The following WWP1 variants were observed in gnomAD, a reference collection of about 807,000 sequenced individuals.
WWP1 encodes the protein WW domain containing E3 ubiquitin protein ligase 1, also known as NEDD4-like E3 ubiquitin-protein ligase WWP1.
A neutral mutation model predicts 130.6 loss-of-function variants in WWP1; 49 were observed. The ratio of observed to expected loss-of-function variants is 0.38; its 90% CI spans 0.30 to 0.48. The LOEUF (loss-of-function observed/expected upper bound fraction) is 0.48. Among genes scored for constraint, WWP1 ranks in the 20% least tolerant of loss-of-function variants. WWP1 has a pLI of 0.99. For missense variants in WWP1, 809 were observed against 1,100.6 expected (o/e 0.74, Z 3.75); for synonymous variants, 332 against 367.8 (o/e 0.90, Z 1.11).
rs59506795 is a variant in WWP1, at chr8:86,460,790, C to CTTTTTTTTTTT, written c.2500-407_2500-397dup. ...ACCCTACAACCTCTTTTTAGCACAT[C>CTTTTTTTTTTT]TTTTTTTTTTTTTTTTTTTTTTTTT... is the stretch of plus-strand genomic sequence containing the variant. On this transcript the variant is annotated intron_variant, in intron 22 of 24. Transcript: ENST00000517970. Among the ~76,000 whole-genome samples the CTTTTTTTTTTT allele has an allele frequency of 2.7e-4, 17 of 62,400 alleles. 4 individuals are homozygous for CTTTTTTTTTTT. Among genetic ancestry groups the CTTTTTTTTTTT allele is most frequent in the Non-Finnish European group, 5.5e-4 (17 of 31,006 alleles). 40.9% of individuals were successfully genotyped at this position (62,400 alleles called of 152,430 possible).
intron 9 of WWP1, among the ~76,000 whole-genome samples, chr8:86,422,003 C>T: frequency 6.6e-6 from 1 of 152,040 alleles, no homozygotes; most frequent in East Asian, 1.9e-4. Context: ...TATCAAAACT[C>T]ACCATTCCAA....
intron 7 of WWP1, among the ~76,000 whole-genome samples, chr8:86,398,853 A>G (rs576256023): frequency 6.6e-6 from 1 of 152,308 alleles, no homozygotes; most frequent in South Asian, 2.1e-4. Context: ...ACTTTTTAAA[A>G]GTATACATTT....
chr8:86,463,282 C>T (rs1181667398), intron 24 of WWP1, among the ~76,000 whole-genome samples: 2 of 151,992 alleles, frequency 1.3e-5, no homozygotes, highest in East Asian at 1.9e-4. Context: ...AGACTTTCCT[C>T]GATGAGATTA....
intron 9 of WWP1, among the ~76,000 whole-genome samples, chr8:86,424,770 G>T (rs952041835): frequency 1.4e-5 from 2 of 146,938 alleles, no homozygotes; most frequent in Non-Finnish European, 3.0e-5. Flanking sequence ...GTCCAGCTTC[G>T]GCTTGGCATC....
Position 86,430,698 on chromosome 8 carries a change from C to T in WWP1, c.1334C>T (p.Ala445Val). Residue 445 changes from alanine to valine, a missense_variant and splice_region_variant, in exon 12 of 25, where the codon GCT becomes GTT. Coordinates refer to ENST00000517970, the MANE Select transcript of WWP1 (RefSeq NM_007013.4). ...CTCCCTAATCTTTTCTCCAATCAGG[C>T]TTCAATGTTAGCTGCAGAAAATGAC... The part of the protein sequence containing the change: ...QQFNQRYLYS[A>V]SMLAAENDPY... 6.3e-7 allele frequency: 1 copy of T among 1,583,102 alleles called. No homozygotes were observed. Among genetic ancestry groups the T allele is most frequent in the Non-Finnish European group, 8.6e-7 (1 of 1,163,080 alleles).
Position 86,438,758 on chromosome 8 carries a change from T to A in WWP1, c.1838+85T>A, listed in dbSNP as rs79446939. 3,396 of 1,145,254 alleles carry A rather than the reference T, an allele frequency of 3.0e-3. 78 individuals are homozygous for A. The African/African-American group carries it at 0.048, about 16-fold the overall frequency. The allele number at this position is 1,145,254 out of a possible 1,614,324, so 70.9% of individuals were successfully genotyped here. A position where few individuals can be genotyped will look rare whatever the true frequency, so the allele number is the denominator to read the frequency against. On this transcript the variant is annotated intron_variant, in intron 17 of 24. Transcript: ENST00000517970. ...GTATTCTTCAAAACATATGTGAATA[T>A]ATTGTATTAAATTTTTGAATTAACA...
chr8:86,431,813 T>C (rs1809994669), intron 14 of WWP1, 70 bp downstream of exon 14: 2 of 1,581,852 alleles, frequency 1.3e-6, no homozygotes, highest in Non-Finnish European at 1.7e-6. Flanking sequence ...CTCTAATTTA[T>C]CCTCAAGTTT....
At chr8:86,364,205 T>C (rs1823829376) in intron 1 of WWP1, among the ~76,000 whole-genome samples, 1 of 152,218 alleles carries the variant, frequency 6.6e-6, no homozygotes, top group African/African-American at 2.4e-5. Flanking sequence ...TTTCTGTAAA[T>C]AAAGTGAATT....
Position 86,401,937 on chromosome 8 carries a change from A to G in WWP1, c.540-82A>G, listed in dbSNP as rs977459698. ...AATAACAAAAAAGAAACTTAAGAGA[A>G]TTTAGTAAATCCTATGAAAATTCTC... On this transcript the variant is annotated intron_variant, in intron 7 of 24. Coordinates refer to ENST00000517970, the MANE Select transcript of WWP1 (RefSeq NM_007013.4). 1.2e-5 allele frequency: 16 copies of G among 1,291,936 alleles called. No individual in the cohort carries two copies. The African/African-American group carries it at 2.0e-4, about 16-fold the overall frequency. 80.0% of individuals were successfully genotyped at this position (1,291,936 alleles called of 1,614,324 possible). A position where few individuals can be genotyped will look rare whatever the true frequency, so the allele number is the denominator to read the frequency against.
At position 86,427,766 on chromosome 8, in the gene WWP1, G is replaced by A; in HGVS notation, c.1281G>A (p.Arg427=). Residue 427 remains arginine, a synonymous_variant, in exon 11 of 25, where the codon CGG becomes CGA. Coordinates refer to ENST00000517970, the MANE Select transcript of WWP1 (RefSeq NM_007013.4). ...VRNFEQWQSQ[R]NQLQGAMQQF... The stretch of plus-strand genomic sequence containing the variant: ...ATTTTGAACAGTGGCAATCTCAGCG[G>A]AACCAATTGCAGGGAGCTATGCAAC... 2.5e-6 allele frequency: 4 copies of A among 1,613,834 alleles called. No individual in the cohort carries two copies. The highest frequency in any genetic ancestry group is 1.1e-5 in the South Asian group (1 of 91,024).
chr8:86,459,207 TGCATTTTTA>T (rs1433893374), intron 22 of WWP1, among the ~76,000 whole-genome samples: 1 of 151,914 alleles, frequency 6.6e-6, no homozygotes, highest in African/African-American at 2.4e-5. Flanking sequence ...GGCTAGTTTT[TGCATTTTTA>T]GTAGAGACGG....
intron 18 of WWP1, among the ~76,000 whole-genome samples, chr8:86,444,513 A>G (rs942773933): frequency 6.6e-6 from 1 of 152,230 alleles, no homozygotes; most frequent in South Asian, 2.1e-4. Context: ...GGACAATTAT[A>G]GTCAGGGAGA....
chr8:86,465,735 G>A (rs1812055772), intron 24 of WWP1, among the ~76,000 whole-genome samples: 2 of 152,304 alleles, frequency 1.3e-5, no homozygotes, highest in South Asian at 2.1e-4. Flanking sequence ...TCTTGTATAG[G>A]AAGTATTAAA....
chr8:86,362,003 C>CACATATATATATACACATATATAT (rs1563465199), intron 1 of WWP1, among the ~76,000 whole-genome samples: 2 of 71,406 alleles, frequency 2.8e-5, no homozygotes, highest in South Asian at 5.1e-4. Context: ...CATATATATA[C>CACATATATATATACACATATATAT]ACACATATAT....
Position 86,461,327 on chromosome 8 carries a change from GTAA to G in WWP1, c.2596+9_2596+11del. 6.2e-7 allele frequency: 1 copy of G among 1,610,178 alleles called. No individual in the cohort carries two copies. The highest frequency in any genetic ancestry group is 8.5e-7 in the Non-Finnish European group (1 of 1,176,478). ...GGATTTGCTGAGCTCATGGGTAAAT[GTAA>G]TTTCACTGTAATTTCTCTGTACGTA... On this transcript the variant is annotated splice_region_variant and intron_variant, in intron 23 of 24. Coordinates refer to ENST00000517970, the MANE Select transcript of WWP1 (RefSeq NM_007013.4).
intron 8 of WWP1, among the ~76,000 whole-genome samples, chr8:86,408,862 A>T (rs1414779798): frequency 6.6e-6 from 1 of 152,056 alleles, no homozygotes; most frequent in Non-Finnish European, 1.5e-5. Flanking sequence ...GTGAGCTGAG[A>T]TCGCGCTACT....
intron 5 of WWP1, among the ~76,000 whole-genome samples, chr8:86,398,108 T>G (rs182954600): frequency 3.7e-4 from 56 of 152,306 alleles, no homozygotes; most frequent in Non-Finnish European, 1.2e-4. Flanking sequence ...ATTATTTAAA[T>G]GTATTTATAT....
intron 2 of WWP1, among the ~76,000 whole-genome samples, chr8:86,371,044 T>A (rs1023299547): frequency 3.3e-4 from 49 of 148,634 alleles, no homozygotes; most frequent in Admixed American, 2.8e-3. Flanking sequence ...TTTTGTATTT[T>A]TTTTTTTTTT....
rs1192122344 is a variant in WWP1 at position 86,362,071 on chromosome 8, T to TATAC, written c.-114-6867_-114-6866insTACA. 1.4e-3 allele frequency among the ~76,000 whole-genome samples: 179 copies of TATAC among 131,450 alleles called. 3 individuals are homozygous for TATAC. The highest frequency in any genetic ancestry group is 4.9e-3 in the African/African-American group (171 of 35,218). The allele number at this position is 131,450 out of a possible 152,430, so 86.2% of individuals were successfully genotyped here. A position where few individuals can be genotyped will look rare whatever the true frequency, so the allele number is the denominator to read the frequency against. On this transcript the variant is annotated intron_variant, in intron 1 of 24. Transcript: ENST00000517970. ...ACACACATATATACACACATATATATACACATATATACACACATATATATA... is the reference window on the plus strand; with the variant it reads ...ACACACATATATACACACATATATATATACACACATATATACACACATATATATA...
Sources: allele counts gnomAD v4.1 joint callset (sites outside exome capture counted in the v4.1 genomes callset), GRCh38; gene constraint gnomAD v4.1.1; transcripts MANE v1.5; gene names NCBI Gene and HGNC (gene_info 2026-07-23, HGNC 2026-07-21).